The following THSD4 variants were observed in gnomAD, a reference collection of about 807,000 sequenced individuals.
THSD4 encodes thrombospondin type-1 domain-containing protein 4.
A neutral mutation model predicts 119.0 loss-of-function variants in THSD4; 69 were observed. That is an observed-to-expected ratio of 0.58 (90% CI 0.48 to 0.71). THSD4 has a LOEUF of 0.71. THSD4 is among the 30% of genes least tolerant of loss of function. The pLI is 0.00. For missense variants in THSD4, 1,393 were observed against 1,391.1 expected (o/e 1.00, Z -0.02); for synonymous variants, 524 against 540.4 (o/e 0.97, Z 0.42).
At chr15:71,338,713 G>C (rs1438666002) in intron 6 of THSD4, among the ~76,000 whole-genome samples, 1 of 152,152 alleles carries the variant, frequency 6.6e-6, no homozygotes. Context: ...AGAAGGAAAA[G>C]ACACCCTTAA....
intron 16 of THSD4, among the ~76,000 whole-genome samples, chr15:71,768,711 C>T (rs2053759885): frequency 6.6e-6 from 1 of 150,938 alleles, no homozygotes; most frequent in Admixed American, 6.6e-5. Context: ...ACTACAGGTG[C>T]CCACCACCAT....
chr15:71,666,734 A>G (rs1302787818), intron 8 of THSD4, among the ~76,000 whole-genome samples: 1 of 152,274 alleles, frequency 6.6e-6, no homozygotes, highest in Non-Finnish European at 1.5e-5. Context: ...AAACTTAAAA[A>G]CTAAATAGAA....
At chr15:71,488,366 G>A (rs942273066) in intron 7 of THSD4, among the ~76,000 whole-genome samples, 1 of 152,072 alleles carries the variant, frequency 6.6e-6, no homozygotes, top group Non-Finnish European at 1.5e-5. Context: ...TAGAATTTTT[G>A]CATAAGAATT....
At chr15:71,731,713 G>A (rs1414260882) in intron 10 of THSD4, 1 of 169,908 alleles carries the variant, frequency 5.9e-6, no homozygotes. Context: ...AGCCCAAGGA[G>A]GTTGGGGCTG....
At chr15:71,744,314 A>G (rs562581308) in intron 11 of THSD4, among the ~76,000 whole-genome samples, 9 of 152,240 alleles carry the variant, frequency 5.9e-5, no homozygotes, top group African/African-American at 1.4e-4. Context: ...TTCATTCAAC[A>G]CGGTCATTTA....
intron 7 of THSD4, among the ~76,000 whole-genome samples, chr15:71,459,267 T>C (rs986729965): frequency 6.6e-6 from 1 of 151,256 alleles, no homozygotes; most frequent in Non-Finnish European, 1.5e-5. Flanking sequence ...CAAGCGATTC[T>C]CTTGCCTCAG....
At chr15:71,180,334 G>C (rs190694259) in intron 3 of THSD4, among the ~76,000 whole-genome samples, 1 of 152,236 alleles carries the variant, frequency 6.6e-6, no homozygotes, top group Admixed American at 6.5e-5. Flanking sequence ...AATGGGCAAA[G>C]GACTTGAATA....
chr15:71,493,401 T>C (rs559551491), intron 7 of THSD4, among the ~76,000 whole-genome samples: 16 of 152,352 alleles, frequency 1.1e-4, no homozygotes, highest in African/African-American at 3.8e-4. Context: ...TCAAACTTAA[T>C]GATAACCTCT....
intron 6 of THSD4, among the ~76,000 whole-genome samples, chr15:71,389,287 T>G (rs1490725006): frequency 6.6e-6 from 1 of 152,080 alleles, no homozygotes; most frequent in Non-Finnish European, 1.5e-5. Flanking sequence ...AACTCCCCAT[T>G]TCCCTTTCCC....
At chr15:71,506,927 A>T (rs2048198932) in intron 7 of THSD4, among the ~76,000 whole-genome samples, 1 of 152,234 alleles carries the variant, frequency 6.6e-6, no homozygotes, top group African/African-American at 2.4e-5. Context: ...AGTTTGGTTC[A>T]TCTGTAAGTT....
At chr15:71,764,657 C>G (rs1006331160) in intron 15 of THSD4, among the ~76,000 whole-genome samples, 1 of 152,242 alleles carries the variant, frequency 6.6e-6, no homozygotes, top group Non-Finnish European at 1.5e-5. Flanking sequence ...TGTCTTGCCT[C>G]CTGTGAGAGG....
chr15:71,290,688 T>A (rs935123056), intron 6 of THSD4, among the ~76,000 whole-genome samples: 1 of 152,232 alleles, frequency 6.6e-6, no homozygotes, highest in Non-Finnish European at 1.5e-5. Context: ...TAGTTACCTT[T>A]GTAGTTTGCT....
At chr15:71,572,861 T>C (rs1409461042) in intron 7 of THSD4, among the ~76,000 whole-genome samples, 1 of 152,024 alleles carries the variant, frequency 6.6e-6, no homozygotes, top group Non-Finnish European at 1.5e-5. Context: ...AGGCAAACAA[T>C]GTCAAGAAAG....
intron 6 of THSD4, among the ~76,000 whole-genome samples, chr15:71,388,750 T>TA (rs1402535710): frequency 6.6e-6 from 1 of 151,762 alleles, no homozygotes; most frequent in South Asian, 2.1e-4. Flanking sequence ...AGTCCTTTTT[T>TA]AAAAAAATTG....
intron 6 of THSD4, among the ~76,000 whole-genome samples, chr15:71,265,718 G>A (rs549066180): frequency 2.4e-4 from 36 of 152,176 alleles, no homozygotes; most frequent in Non-Finnish European, 4.7e-4. Flanking sequence ...TGAAATTCTC[G>A]CTGCGCGCAC....
chr15:71,359,969 C>G (rs767583747), intron 6 of THSD4, among the ~76,000 whole-genome samples: 19 of 152,188 alleles, frequency 1.2e-4, no homozygotes, highest in Non-Finnish European at 2.5e-4. Context: ...GTATAACAGA[C>G]CACCCCAAAA....
In THSD4 at chr15:71,728,608, G is replaced by A. The variant is rs2052911539; in HGVS notation, c.1417G>A (p.Gly473Arg). 1 of 1,614,066 alleles carries A rather than the reference G, an allele frequency of 6.2e-7. No homozygotes were observed. Among genetic ancestry groups the A allele is most frequent in the Non-Finnish European group, 8.5e-7 (1 of 1,180,046 alleles). ...TGGGAACTGGGCAATTGATCGACCA[G>A]GAAAATACGAGGGCGGAGGGACCAT... is the stretch of plus-strand genomic sequence containing the variant. ...INGNWAIDRPGKYEGGGTMFT... is the reference protein window; with the variant it reads ...INGNWAIDRPRKYEGGGTMFT... The change falls in exon 9 of 18, where the codon GGA becomes AGA. Residue 473 changes from glycine to arginine, a missense_variant. Gly to Arg is a moderately radical substitution (Grantham distance 125). Transcript: ENST00000261862.
chr15:71,690,742 C>CA (rs1430135319), intron 8 of THSD4, among the ~76,000 whole-genome samples: 4 of 151,944 alleles, frequency 2.6e-5, no homozygotes, highest in African/African-American at 9.6e-5. Context: ...TGGCAGCAGG[C>CA]AAAAAAAGGT....
At chr15:71,514,226 G>C (rs368301689) in intron 7 of THSD4, among the ~76,000 whole-genome samples, 7 of 152,262 alleles carry the variant, frequency 4.6e-5, no homozygotes, top group African/African-American at 1.7e-4. Flanking sequence ...CAGGAGAAAG[G>C]AAAGGCAGAA....
Sources: allele counts gnomAD v4.1 joint callset (sites outside exome capture counted in the v4.1 genomes callset), GRCh38; gene constraint gnomAD v4.1.1; transcripts MANE v1.5; gene names NCBI Gene and HGNC (gene_info 2026-07-23, HGNC 2026-07-21).